Variants in PADI4 observed in about 807,000 individuals in gnomAD.
PADI4 encodes the protein peptidyl arginine deiminase 4, also known as protein-arginine deiminase type-4.
Under a neutral mutation model 75.0 loss-of-function variants are expected in PADI4, and 62 were observed. That is an observed-to-expected ratio of 0.83 (90% confidence interval 0.67 to 1.02). PADI4 has a LOEUF of 1.02. Among genes scored for constraint, PADI4 ranks in the 50% least tolerant of loss-of-function variants. PADI4 has a pLI of 0.00. For synonymous variants in PADI4, 361 were observed against 348.1 expected, an observed-to-expected ratio of 1.04 and a Z score of -0.41; for missense variants, 845 against 850.5, an observed-to-expected ratio of 0.99 and a Z score of 0.08.
At position 17,363,724 on chromosome 1, in the gene PADI4, TCTC is replaced by T; in HGVS notation, c.1964_1966del (p.Ser655del). On this transcript the variant is annotated inframe_deletion, in exon 16 of 16. Coordinates refer to ENST00000375448, the MANE Select transcript of PADI4 (RefSeq NM_012387.3). ...GGCACCAACGTGCGCAGAAAGCCCT[TCTC>T]CTTCAAGTGGTGGAACATGGTGCCC... The T allele has an allele frequency of 1.2e-6, 2 of 1,613,934 alleles. No individual in the cohort carries two copies. The highest frequency in any genetic ancestry group is 1.7e-6 in the Non-Finnish European group (2 of 1,179,822).
At chr1:17,347,148 G>C (rs1351516954) in intron 9 of PADI4, among the ~76,000 whole-genome samples, 2 of 152,038 alleles carry the variant, frequency 1.3e-5, no homozygotes, top group African/African-American at 4.8e-5. Flanking sequence ...TGTTGGTCAG[G>C]CTGGTCTCGA....
intron 2 of PADI4, among the ~76,000 whole-genome samples, chr1:17,332,063 C>A (rs2074222931): frequency 6.6e-6 from 1 of 152,150 alleles, no homozygotes; most frequent in African/African-American, 2.4e-5. Flanking sequence ...TAATTATTTG[C>A]CTCCTCCAGC....
At chr1:17,345,333 C>G (rs945236164) in intron 8 of PADI4, among the ~76,000 whole-genome samples, 1 of 152,102 alleles carries the variant, frequency 6.6e-6, no homozygotes, top group Non-Finnish European at 1.5e-5. Context: ...AGGGACTTGC[C>G]CTGTCTCAGA....
chr1:17,316,710 T>TAAATAAA (rs61557754), intron 1 of PADI4, among the ~76,000 whole-genome samples: 1 of 141,146 alleles, frequency 7.1e-6, no homozygotes, highest in African/African-American at 2.6e-5. Flanking sequence ...AATAAATAAA[T>TAAATAAA]TAATTAATTA....
At chr1:17,350,138 C>T (rs1335017994) in intron 10 of PADI4, among the ~76,000 whole-genome samples, 1 of 128,312 alleles carries the variant, frequency 7.8e-6, no homozygotes, top group Non-Finnish European at 1.8e-5. Context: ...ATCATGGACT[C>T]GTTCATCTAC....
In PADI4 at chr1:17,330,990, G is replaced by A. The variant is rs199525421; in HGVS notation, c.114G>A (p.Thr38=). The A allele has an allele frequency of 4.6e-5, 73 of 1,589,648 alleles. No homozygotes were observed. The highest frequency in any genetic ancestry group is 1.3e-4 in the South Asian group (11 of 87,330). ...ACAGCTCTGCCCCTGAGGACTGCAC[G>A]TCCTTCAGCATCAACGCCTCCCCAG... The part of the protein sequence containing the change: ...DICSSAPEDC[T]SFSINASPGV... The change falls in exon 2 of 16, where the codon ACG becomes ACA. Residue 38 remains threonine, a synonymous_variant. Transcript: ENST00000375448.
In PADI4 at chr1:17,354,313, G is replaced by A. The variant is rs75947330; in HGVS notation, c.1156-220G>A. 2.3e-3 allele frequency among the ~76,000 whole-genome samples: 351 copies of A among 152,238 alleles called. 2 individuals carry two copies. Among genetic ancestry groups the A allele is most frequent in the Middle Eastern group, 0.01 (3 of 294 alleles). On this transcript the variant is annotated intron_variant, in intron 10 of 15. Transcript: ENST00000375448. ...TTAAGGTTTACCAAGCAGCTGGCACGCTTTAGGGACCCAACAAATGCTAGT... is the reference window on the plus strand; with the variant it reads ...TTAAGGTTTACCAAGCAGCTGGCACACTTTAGGGACCCAACAAATGCTAGT...
chr1:17,362,672 T>C (rs935513674), intron 15 of PADI4, among the ~76,000 whole-genome samples: 1 of 152,196 alleles, frequency 6.6e-6, no homozygotes, highest in Non-Finnish European at 1.5e-5. Context: ...TATGCATATG[T>C]ACCCCCAAAT....
intron 2 of PADI4, among the ~76,000 whole-genome samples, chr1:17,333,212 T>C (rs541448318): frequency 6.6e-6 from 1 of 152,234 alleles, no homozygotes; most frequent in Non-Finnish European, 1.5e-5. Context: ...GCTGACACCA[T>C]GGTCCAGGCA....
At chr1:17,347,396 C>T (rs770160970) in intron 9 of PADI4, among the ~76,000 whole-genome samples, 19 of 152,304 alleles carry the variant, frequency 1.2e-4, no homozygotes, top group Admixed American at 7.2e-4. Context: ...TACAAGCCTG[C>T]GGAGGCGGAA....
intron 2 of PADI4, among the ~76,000 whole-genome samples, chr1:17,332,579 C>A (rs951213691): frequency 6.6e-6 from 1 of 152,158 alleles, no homozygotes; most frequent in African/African-American, 2.4e-5. Context: ...TCTGCAAAGA[C>A]TTTTTTTCCA....
chr1:17,362,915 T>C (rs1210965061), intron 15 of PADI4, among the ~76,000 whole-genome samples: 1 of 151,880 alleles, frequency 6.6e-6, no homozygotes, highest in Non-Finnish European at 1.5e-5. Flanking sequence ...AAACCTCCAC[T>C]TCCTGGGTTC....
At position 17,346,011 on chromosome 1, in the gene PADI4, T is replaced by TGA. The variant is rs1207610168; in HGVS notation, c.936-17_936-16insGA. 11 of 1,523,958 alleles carry TGA rather than the reference T, an allele frequency of 7.2e-6. No homozygotes were observed. Among genetic ancestry groups the TGA allele is most frequent in the African/African-American group, 1.4e-5 (1 of 73,112 alleles). 94.4% of individuals were successfully genotyped at this position (1,523,958 alleles called of 1,614,324 possible). A position where few individuals can be genotyped will look rare whatever the true frequency, so the allele number is the denominator to read the frequency against. On this transcript the variant is annotated splice_polypyrimidine_tract_variant and intron_variant, in intron 8 of 15. Transcript: ENST00000375448. This position sits in a 1 kb window ranked among gnomAD's most constrained non-coding sequence, Gnocchi z 4.3. ...AAATTCCAGAGCACTAAGGAGCTGC[T>TGA]TTTCTGCTCTCTCTAGTATTTTTGA... is the stretch of plus-strand genomic sequence containing the variant.
At position 17,356,507 on chromosome 1, in the gene PADI4, C is replaced by A; in HGVS notation, c.1558+48C>A. On this transcript the variant is annotated intron_variant, in intron 13 of 15. Transcript: ENST00000375448. The surrounding 1 kb of genome is among the most constrained non-coding windows in gnomAD (Gnocchi z 4.1). Reference sequence around the variant, plus strand: ...TCCTGTCTGTGCACCTTCCTGCTTCCCATAGTCCGCTGTTGCCTGGAGGGA... The same window carrying A: ...TCCTGTCTGTGCACCTTCCTGCTTCACATAGTCCGCTGTTGCCTGGAGGGA... 1 of 1,111,448 alleles carries A rather than the reference C, an allele frequency of 9.0e-7. No homozygotes were observed. Among genetic ancestry groups the A allele is most frequent in the Non-Finnish European group, 1.4e-6 (1 of 736,940 alleles). The allele number at this position is 1,111,448 out of a possible 1,614,324, so 68.8% of individuals were successfully genotyped here.
chr1:17,360,878 C>A (rs2074838728), intron 15 of PADI4, among the ~76,000 whole-genome samples: 1 of 132,882 alleles, frequency 7.5e-6, no homozygotes, highest in Non-Finnish European at 1.6e-5. Flanking sequence ...CTGGAGGCTG[C>A]ACTTGTGGGT....
intron 2 of PADI4, among the ~76,000 whole-genome samples, chr1:17,332,758 A>G (rs1328356186): frequency 6.6e-6 from 1 of 152,136 alleles, no homozygotes; most frequent in African/African-American, 2.4e-5. Context: ...AGAACCAGCC[A>G]AGCAGGCTTC....
chr1:17,320,009 T>G (rs1328809624), intron 1 of PADI4, among the ~76,000 whole-genome samples: 2 of 152,218 alleles, frequency 1.3e-5, no homozygotes, highest in Non-Finnish European at 2.9e-5. Flanking sequence ...ACTACAAACT[T>G]AGTGACTTCA....
chr1:17,331,744 C>T (rs1323800506), intron 2 of PADI4, among the ~76,000 whole-genome samples: 2 of 152,050 alleles, frequency 1.3e-5, no homozygotes, highest in Admixed American at 6.6e-5. Context: ...ACGGTGAAAC[C>T]CCATCTCTAT....
intron 13 of PADI4, among the ~76,000 whole-genome samples, chr1:17,358,143 G>A (rs1214404262): frequency 6.6e-6 from 1 of 151,896 alleles, no homozygotes; most frequent in Non-Finnish European, 1.5e-5. Context: ...AGCTACTGGG[G>A]AGGCTGAGGC....
Sources: allele counts gnomAD v4.1 joint callset (sites outside exome capture counted in the v4.1 genomes callset), GRCh38; gene constraint gnomAD v4.1.1; non-coding constraint Gnocchi (gnomAD v3.1); transcripts MANE v1.5; gene names NCBI Gene and HGNC (gene_info 2026-07-23, HGNC 2026-07-21).